SPAG16: variants seen among roughly 807,000 people sequenced by gnomAD.
The protein encoded by SPAG16 is sperm associated antigen 16.
In SPAG16, 86 loss-of-function variants were observed where a neutral mutation model predicts 80.4. The observed-to-expected ratio is 1.07, with a 90% CI of 0.90 to 1.28. The LOEUF is 1.28. Among genes scored for constraint, SPAG16 ranks in the 50% most tolerant of loss-of-function variants. SPAG16 has a pLI of 0.00. For synonymous variants in SPAG16, 294 were observed against 265.9 expected, an observed-to-expected ratio of 1.11 and a Z score of -1.03; for missense variants, 870 against 765.3, an observed-to-expected ratio of 1.14 and a Z score of -1.61.
At chr2:214,085,391 AAAG>A (rs1262138444) in intron 13 of SPAG16, among the ~76,000 whole-genome samples, 71 of 145,898 alleles carry the variant, frequency 4.9e-4, no homozygotes, top group African/African-American at 1.9e-3. Context: ...AAAAAAAAAA[AAAG>A]AAAGAAAGAA....
chr2:213,949,456 C>T lies in SPAG16; in HGVS notation c.1400+19311C>T, dbSNP rs996934239. On this transcript the variant is annotated intron_variant, in intron 12 of 15. Coordinates refer to ENST00000331683, the MANE Select transcript of SPAG16 (RefSeq NM_024532.5). ...TGCTGGGATTACAGGCATGAGCCAC[C>T]GCGCTCGGCCTACAATAGTTCTTTT... Among the ~76,000 whole-genome samples, 93 of 152,018 alleles carry T rather than the reference C, an allele frequency of 6.1e-4. 1 individual carries two copies. The highest frequency in any genetic ancestry group is 2.1e-3 in the African/African-American group (87 of 41,396).
At chr2:213,887,887 T>TGCA (rs2076622610) in intron 11 of SPAG16, among the ~76,000 whole-genome samples, 1 of 151,918 alleles carries the variant, frequency 6.6e-6, no homozygotes, top group African/African-American at 2.4e-5. Context: ...TTTAGGTTGT[T>TGCA]GCAAAGGTAA....
intron 15 of SPAG16, among the ~76,000 whole-genome samples, chr2:214,309,595 A>G (rs1048658185): frequency 1.3e-5 from 2 of 151,442 alleles, no homozygotes; most frequent in Admixed American, 6.6e-5. Flanking sequence ...TTTGATGACC[A>G]TGAGGGTTTG....
intron 13 of SPAG16, among the ~76,000 whole-genome samples, chr2:214,045,270 G>A (rs1241267109): frequency 2.0e-5 from 3 of 152,150 alleles, no homozygotes; most frequent in Admixed American, 6.5e-5. Context: ...CCTGGATGAC[G>A]TTTCTAGATA....
chr2:213,957,362 A>G (rs1190213509), intron 12 of SPAG16, among the ~76,000 whole-genome samples: 1 of 152,132 alleles, frequency 6.6e-6, no homozygotes, highest in Non-Finnish European at 1.5e-5. Flanking sequence ...TTACTAATAT[A>G]TGGGGACCTG....
chr2:213,456,253 CT>C (rs1240867613), intron 9 of SPAG16, among the ~76,000 whole-genome samples: 6 of 152,086 alleles, frequency 3.9e-5, no homozygotes, highest in Non-Finnish European at 7.4e-5. Flanking sequence ...CTTAATTATG[CT>C]TTTCTTGCAT....
chr2:213,574,087 GTTTATT>G (rs1559268908), intron 10 of SPAG16, among the ~76,000 whole-genome samples: 1 of 152,098 alleles, frequency 6.6e-6, no homozygotes, highest in East Asian at 1.9e-4. Flanking sequence ...GTTTTGATAT[GTTTATT>G]TTTATCCAGT....
Position 214,383,270 on chromosome 2 carries a change from C to T in SPAG16, c.1721-26870C>T, listed in dbSNP as rs146769051. The stretch of plus-strand genomic sequence containing the variant: ...TAGTCTAAGAAATCAAAAGAGGCCC[C>T]CAAAAGATTTACTTAGACTACACTG... On this transcript the variant is annotated intron_variant, in intron 15 of 15. Coordinates refer to ENST00000331683, the MANE Select transcript of SPAG16 (RefSeq NM_024532.5). Among the ~76,000 whole-genome samples, 868 of 152,058 alleles carry T rather than the reference C, an allele frequency of 5.7e-3. 11 individuals are homozygous for T. The highest frequency in any genetic ancestry group is 0.02 in the African/African-American group (832 of 41,476).
At chr2:213,390,583 T>C (rs573472204) in intron 9 of SPAG16, among the ~76,000 whole-genome samples, 96 of 152,294 alleles carry the variant, frequency 6.3e-4, no homozygotes, top group Non-Finnish European at 1.1e-3. Flanking sequence ...TTGGGAAATA[T>C]TCACATCAAC....
intron 10 of SPAG16, among the ~76,000 whole-genome samples, chr2:213,594,866 T>A (rs1373283390): frequency 6.6e-6 from 1 of 152,176 alleles, no homozygotes; most frequent in East Asian, 1.9e-4. Context: ...CAAAGTACAT[T>A]TTTTTGTGTG....
Position 214,089,765 on chromosome 2 carries a change from T to C in SPAG16, c.1528-18431T>C, listed in dbSNP as rs553865247. ...CCATTCTCTGAGGTTCTCTAAGAAATTCCATCCAGTTCTTCAAATTTAGAA... is the reference window on the plus strand; with the variant it reads ...CCATTCTCTGAGGTTCTCTAAGAAACTCCATCCAGTTCTTCAAATTTAGAA... On this transcript the variant is annotated intron_variant, in intron 13 of 15. Coordinates refer to ENST00000331683, the MANE Select transcript of SPAG16 (RefSeq NM_024532.5). Among the ~76,000 whole-genome samples the C allele has an allele frequency of 2.6e-5, 4 of 152,182 alleles. No individual in the cohort carries two copies. The East Asian group carries it at 7.7e-4, about 29-fold the overall frequency.
At chr2:214,259,592 C>A (rs1384195676) in intron 15 of SPAG16, among the ~76,000 whole-genome samples, 1 of 150,420 alleles carries the variant, frequency 6.6e-6, no homozygotes, top group African/African-American at 2.4e-5. Flanking sequence ...TTTCCTTCTT[C>A]CAGGCGTTCA....
At chr2:213,927,482 C>A in intron 11 of SPAG16, among the ~76,000 whole-genome samples, 1 of 152,098 alleles carries the variant, frequency 6.6e-6, no homozygotes, top group Non-Finnish European at 1.5e-5. Context: ...CAAAGTTATA[C>A]AGTTTTCCAT....
chr2:214,108,194 A>T lies in SPAG16; in HGVS notation c.1528-2A>T. 3 of 1,559,782 alleles carry T rather than the reference A, an allele frequency of 1.9e-6. No individual in the cohort carries two copies. The highest frequency in any genetic ancestry group is 2.6e-6 in the Non-Finnish European group (3 of 1,143,120). ...GACTCTGTTTCTGCTTTGTCTTCCT[A>T]GGGTATATGTGAGCAGTCACTTTAT... On this transcript the variant is annotated splice_acceptor_variant, in intron 13 of 15. Transcript: ENST00000331683. LOFTEE classifies it high-confidence loss of function.
intron 15 of SPAG16, among the ~76,000 whole-genome samples, chr2:214,312,699 C>T (rs1305859364): frequency 6.6e-6 from 1 of 152,120 alleles, no homozygotes; most frequent in Non-Finnish European, 1.5e-5. Flanking sequence ...GAGCACAAGG[C>T]ATTGGGTTAT....
chr2:214,253,344 T>A (rs920477604), intron 15 of SPAG16, among the ~76,000 whole-genome samples: 30 of 152,294 alleles, frequency 2.0e-4, no homozygotes, highest in Non-Finnish European at 5.9e-5. Flanking sequence ...TTTGTTGCCA[T>A]TGCTTTTGGT....
chr2:214,239,224 G>A (rs1425765196), intron 15 of SPAG16: 1 of 151,822 alleles, frequency 6.6e-6, no homozygotes, highest in African/African-American at 2.4e-5. Flanking sequence ...TGTAGAAATG[G>A]AGTGCCACTA....
chr2:213,662,111 T>A (rs1337260290), intron 10 of SPAG16, among the ~76,000 whole-genome samples: 14 of 151,956 alleles, frequency 9.2e-5, no homozygotes, highest in Non-Finnish European at 1.0e-4. Context: ...TGCCAAGGTT[T>A]AGTTGTGAAC....
chr2:213,356,601 T>C (rs912224081), intron 7 of SPAG16, among the ~76,000 whole-genome samples: 3 of 152,242 alleles, frequency 2.0e-5, no homozygotes, highest in Admixed American at 2.0e-4. Context: ...ATATCCCCTT[T>C]ATCATTTTTT....
Sources: gnomAD v4.1 joint callset for allele counts (sites outside exome capture counted in the v4.1 genomes callset) on GRCh38, gnomAD v4.1.1 for gene constraint, MANE v1.5 for transcripts, NCBI Gene and HGNC (gene_info 2026-07-23, HGNC 2026-07-21) for gene names.